The following NKAIN2 variants were observed in gnomAD, a reference collection of about 807,000 sequenced individuals.
NKAIN2 encodes sodium/potassium transporting ATPase interacting 2, also known as sodium/potassium-transporting ATPase subunit beta-1-interacting protein 2.
Under a neutral mutation model 32.6 loss-of-function variants are expected in NKAIN2, and 14 were observed. That is an observed-to-expected ratio of 0.43 (90% CI 0.28 to 0.67). The LOEUF (loss-of-function observed/expected upper bound fraction) is 0.67. NKAIN2 is among the 30% of genes least tolerant of loss of function. The pLI is 0.17. For missense variants in NKAIN2, 198 were observed against 258.3 expected (o/e 0.77, Z 1.60); for synonymous variants, 80 against 87.2 (o/e 0.92, Z 0.46).
intron 1 of NKAIN2, among the ~76,000 whole-genome samples, chr6:124,176,410 A>G (rs1175619129): frequency 6.6e-6 from 1 of 152,172 alleles, no homozygotes. Flanking sequence ...GATTTTCTAT[A>G]TACAAGATCA....
intron 1 of NKAIN2, among the ~76,000 whole-genome samples, chr6:124,030,160 G>T (rs905304818): frequency 6.6e-6 from 1 of 152,100 alleles, no homozygotes; most frequent in Non-Finnish European, 1.5e-5. Context: ...AGGAAAACAT[G>T]GTCAGGGCTC....
chr6:124,258,015 A>G (rs1183555543), intron 1 of NKAIN2, among the ~76,000 whole-genome samples: 1 of 152,012 alleles, frequency 6.6e-6, no homozygotes, highest in Non-Finnish European at 1.5e-5. Context: ...TCCCGATCTC[A>G]GGTGATTCAT....
chr6:124,405,716 A>C, intron 3 of NKAIN2, among the ~76,000 whole-genome samples: 1 of 152,074 alleles, frequency 6.6e-6, no homozygotes, highest in Admixed American at 6.6e-5. Context: ...TAGGAAACCC[A>C]AGTGAATTAT....
chr6:124,210,761 A>AT (rs1315081864), intron 1 of NKAIN2, among the ~76,000 whole-genome samples: 2 of 151,598 alleles, frequency 1.3e-5, no homozygotes, highest in African/African-American at 4.8e-5. Context: ...CTGCTGGCAT[A>AT]TAGAAATGCT....
intron 6 of NKAIN2, 25 bp from the exon 7 acceptor site, chr6:124,823,195 T>C: frequency 6.5e-7 from 1 of 1,544,714 alleles, no homozygotes; most frequent in Non-Finnish European, 9.0e-7. Flanking sequence ...CCCCCTTGAC[T>C]AAAAACATCT....
chr6:124,388,855 T>TG (rs1315531727), intron 3 of NKAIN2, among the ~76,000 whole-genome samples: 1 of 152,062 alleles, frequency 6.6e-6, no homozygotes, highest in Admixed American at 6.6e-5. Context: ...ATGCTTTTTT[T>TG]GTCAGTGATT....
intron 1 of NKAIN2, among the ~76,000 whole-genome samples, chr6:123,992,077 G>T (rs1457315836): frequency 6.6e-6 from 1 of 152,042 alleles, no homozygotes; most frequent in Non-Finnish European, 1.5e-5. Context: ...TTTTTGAATG[G>T]TAACTAGTAT....
At chr6:124,326,787 T>C (rs1029856097) in intron 2 of NKAIN2, among the ~76,000 whole-genome samples, 1 of 152,196 alleles carries the variant, frequency 6.6e-6, no homozygotes, top group African/African-American at 2.4e-5. Flanking sequence ...AATGTAAATA[T>C]GTCACATACA....
At chr6:124,259,804 G>T (rs1273890231) in intron 1 of NKAIN2, among the ~76,000 whole-genome samples, 1 of 152,080 alleles carries the variant, frequency 6.6e-6, no homozygotes, top group East Asian at 1.9e-4. Flanking sequence ...TGCAGGTGGG[G>T]TGATCTCCCT....
chr6:124,656,922 C>T (rs931950712), intron 3 of NKAIN2, among the ~76,000 whole-genome samples: 1 of 152,170 alleles, frequency 6.6e-6, no homozygotes, highest in Non-Finnish European at 1.5e-5. Context: ...CTGAGTCAGA[C>T]ACTAGCTGCT....
intron 1 of NKAIN2, among the ~76,000 whole-genome samples, chr6:123,942,065 A>G (rs1052148380): frequency 6.6e-6 from 1 of 151,986 alleles, no homozygotes; most frequent in Non-Finnish European, 1.5e-5. Flanking sequence ...TCATCATTTT[A>G]TGTGTCTAAA....
At chr6:124,247,789 CAT>C (rs1284808686) in intron 1 of NKAIN2, among the ~76,000 whole-genome samples, 1 of 152,094 alleles carries the variant, frequency 6.6e-6, no homozygotes, top group Non-Finnish European at 1.5e-5. Flanking sequence ...GGGAAACTAA[CAT>C]AAATATATTC....
chr6:124,294,975 G>A (rs1167931794), intron 2 of NKAIN2, among the ~76,000 whole-genome samples: 4 of 152,002 alleles, frequency 2.6e-5, no homozygotes, highest in African/African-American at 9.7e-5. Context: ...CAAGTATTAA[G>A]CTCATTTTAT....
At chr6:124,334,118 T>C (rs568833682) in intron 2 of NKAIN2, among the ~76,000 whole-genome samples, 1 of 152,340 alleles carries the variant, frequency 6.6e-6, no homozygotes, top group African/African-American at 2.4e-5. Flanking sequence ...ATTAAAAGTC[T>C]CGATGATTTT....
intron 3 of NKAIN2, among the ~76,000 whole-genome samples, chr6:124,376,240 A>G (rs1799985238): frequency 6.6e-6 from 1 of 152,184 alleles, no homozygotes; most frequent in Non-Finnish European, 1.5e-5. Context: ...AAAGACATAG[A>G]AAATGATTTC....
At chr6:124,092,212 C>T (rs921849682) in intron 1 of NKAIN2, among the ~76,000 whole-genome samples, 1 of 151,948 alleles carries the variant, frequency 6.6e-6, no homozygotes, top group South Asian at 2.1e-4. Flanking sequence ...AATATTTCGG[C>T]GTTTTTTTGT....
intron 1 of NKAIN2, among the ~76,000 whole-genome samples, chr6:124,037,486 T>G (rs915054861): frequency 4.6e-5 from 7 of 152,148 alleles, no homozygotes; most frequent in African/African-American, 1.7e-4. Context: ...TATTGGTTCC[T>G]GAAAAACATG....
rs571525879 is a variant in NKAIN2 at position 124,825,237 on chromosome 6, T to C, written c.*2008T>C. On this transcript the variant is annotated 3_prime_UTR_variant, in exon 7 of 7. Coordinates refer to ENST00000368417, the MANE Select transcript of NKAIN2 (RefSeq NM_001040214.3). ...ATGCGATTTCACCTTATAGTACATG[T>C]ATATGGGTACAGAAAATAAACCCTC... The C allele has an allele frequency of 1.3e-5, 2 of 152,606 alleles. No individual in the cohort carries two copies. The highest frequency in any genetic ancestry group is 2.4e-5 in the African/African-American group (1 of 41,440). 9.5% of individuals were successfully genotyped at this position (152,606 alleles called of 1,614,324 possible). A position where few individuals can be genotyped will look rare whatever the true frequency, so the allele number is the denominator to read the frequency against.
intron 3 of NKAIN2, among the ~76,000 whole-genome samples, chr6:124,602,982 C>CA (rs1168907305): frequency 1.3e-5 from 2 of 151,854 alleles, no homozygotes; most frequent in Non-Finnish European, 2.9e-5. Flanking sequence ...CACCTAATGA[C>CA]AAAAAACACA....
Sources: gnomAD v4.1 joint callset for allele counts (sites outside exome capture counted in the v4.1 genomes callset) on GRCh38, gnomAD v4.1.1 for gene constraint, MANE v1.5 for transcripts, NCBI Gene and HGNC (gene_info 2026-07-23, HGNC 2026-07-21) for gene names.